Variants in STXBP3 observed in about 807,000 individuals in gnomAD.
STXBP3 encodes syntaxin binding protein 3, also known as syntaxin-binding protein 3.
STXBP3 carries 41 observed loss-of-function variants against 85.7 expected under a neutral mutation model. That is an observed-to-expected ratio of 0.48 (90% confidence interval 0.37 to 0.62). The LOEUF (loss-of-function observed/expected upper bound fraction) is 0.62. STXBP3 is among the 20% of genes least tolerant of loss of function. The pLI is 0.00. For missense variants in STXBP3, 563 were observed against 703.1 expected (o/e 0.80, Z 2.25); for synonymous variants, 229 against 231.7 (o/e 0.99, Z 0.10).
At chr1:108,783,124 A>G (rs1296562762) in intron 11 of STXBP3, among the ~76,000 whole-genome samples, 1 of 152,232 alleles carries the variant, frequency 6.6e-6, no homozygotes, top group Non-Finnish European at 1.5e-5. Flanking sequence ...TCCTGGCCTC[A>G]AGTGATCTGC....
At chr1:108,785,252 G>A (rs1662800361) in intron 11 of STXBP3, among the ~76,000 whole-genome samples, 1 of 152,144 alleles carries the variant, frequency 6.6e-6, no homozygotes, top group South Asian at 2.1e-4. Context: ...ACTCCGGCCT[G>A]GACATCCAGA....
At chr1:108,750,378 C>T (rs1661874566) in intron 1 of STXBP3, among the ~76,000 whole-genome samples, 1 of 152,042 alleles carries the variant, frequency 6.6e-6, no homozygotes, top group Non-Finnish European at 1.5e-5. Context: ...CGGACTTTCA[C>T]CATAATTCTC....
chr1:108,752,483 A>G (rs113315164), intron 2 of STXBP3, among the ~76,000 whole-genome samples, 177 bp downstream of exon 2: 3 of 152,286 alleles, frequency 2.0e-5, no homozygotes, highest in African/African-American at 4.8e-5. Context: ...ACTATTTTAT[A>G]TAAGAGATTT....
intron 14 of STXBP3, 40 bp downstream of exon 14, chr1:108,796,412 T>A: frequency 7.3e-7 from 1 of 1,369,032 alleles, no homozygotes; most frequent in Non-Finnish European, 1.0e-6. Context: ...ATTTTACTAT[T>A]GATCATAAAA....
Position 108,794,921 on chromosome 1 carries a change from C to A in STXBP3, c.1110+14C>A, listed in dbSNP as rs769220219. 18 of 1,588,362 alleles carry A rather than the reference C, an allele frequency of 1.1e-5. No individual in the cohort carries two copies. Among genetic ancestry groups the A allele is most frequent in the Non-Finnish European group, 1.5e-5 (17 of 1,164,506 alleles). On this transcript the variant is annotated intron_variant, in intron 13 of 18. Coordinates refer to ENST00000370008, the MANE Select transcript of STXBP3 (RefSeq NM_007269.4). ...AAAACTGAACAGGTATGTGCAGAGT[C>A]AGAAATGCCTCTGTTCATAACAAAT...
At chr1:108,774,677 A>G (rs914401423) in intron 7 of STXBP3, among the ~76,000 whole-genome samples, 7 of 95,350 alleles carry the variant, frequency 7.3e-5, no homozygotes, top group African/African-American at 3.0e-4. Flanking sequence ...GGGGGTCTCT[A>G]TGTGTTGCCC....
chr1:108,796,291 C>T lies in STXBP3; in HGVS notation c.1168C>T (p.Leu390Phe). Residue 390 changes from leucine to phenylalanine, a missense_variant, in exon 14 of 19, where the codon CTC becomes TTC. By Grantham distance (22) the Leu-to-Phe change is conservative (BLOSUM62 0). Around this residue, in one of 3 missense-constraint regions of STXBP3, gnomAD observed 494 missense variants for 592.8 expected, o/e 0.83. Coordinates refer to ENST00000370008, the MANE Select transcript of STXBP3 (RefSeq NM_007269.4). ...GQKVKDSMRV[L>F]LPVLLNKNHD... The stretch of plus-strand genomic sequence containing the variant: ...GAAGGTGAAAGATTCCATGCGAGTA[C>T]TCCTTCCAGTTCTACTCAACAAAAA... 11 of 1,613,368 alleles carry T rather than the reference C, an allele frequency of 6.8e-6. No homozygotes were observed. Among genetic ancestry groups the T allele is most frequent in the Non-Finnish European group, 9.3e-6 (11 of 1,179,432 alleles).
At chr1:108,792,007 G>A (rs1409363989) in intron 11 of STXBP3, among the ~76,000 whole-genome samples, 1 of 152,176 alleles carries the variant, frequency 6.6e-6, no homozygotes, top group Non-Finnish European at 1.5e-5. Flanking sequence ...TCATATGGAT[G>A]TACCACAAGT....
intron 11 of STXBP3, among the ~76,000 whole-genome samples, chr1:108,784,649 C>T (rs1450398654): frequency 2.0e-5 from 3 of 152,088 alleles, no homozygotes; most frequent in Non-Finnish European, 2.9e-5. Context: ...CCAACAGTCC[C>T]CTACAGTCTT....
Position 108,772,352 on chromosome 1 carries a change from A to ATATC in STXBP3, c.439-311_439-308dup, listed in dbSNP as rs1480978955. 4.3e-3 allele frequency among the ~76,000 whole-genome samples: 117 copies of ATATC among 27,118 alleles called. 41 individuals carry two copies. The highest frequency in any genetic ancestry group is 0.013 in the African/African-American group (86 of 6,652). The allele number at this position is 27,118 out of a possible 152,430, so 17.8% of individuals were successfully genotyped here. A position where few individuals can be genotyped will look rare whatever the true frequency, so the allele number is the denominator to read the frequency against. ...TCTGTATCATATATAAATACATATG[A>ATATC]TATCTGTATCATATATAAATACATA... is the stretch of plus-strand genomic sequence containing the variant. On this transcript the variant is annotated intron_variant, in intron 6 of 18. Coordinates refer to ENST00000370008, the MANE Select transcript of STXBP3 (RefSeq NM_007269.4).
chr1:108,786,687 C>T (rs1662837201), intron 11 of STXBP3, among the ~76,000 whole-genome samples: 1 of 152,114 alleles, frequency 6.6e-6, no homozygotes, highest in Non-Finnish European at 1.5e-5. Context: ...ACTAGTGTAC[C>T]TTTGTAATGG....
chr1:108,796,410 A>C (rs372408605), intron 14 of STXBP3, 38 bp downstream of exon 14: 3 of 1,369,484 alleles, frequency 2.2e-6, no homozygotes, highest in African/African-American at 1.5e-5. Context: ...GTATTTTACT[A>C]TTGATCATAA....
intron 17 of STXBP3, among the ~76,000 whole-genome samples, chr1:108,803,063 A>G (rs1663263826): frequency 6.6e-6 from 1 of 152,240 alleles, no homozygotes; most frequent in Admixed American, 6.5e-5. Flanking sequence ...TTTTACGTAT[A>G]TCTGGATAGG....
intron 8 of STXBP3, 63 bp downstream of exon 8, chr1:108,776,486 A>G: frequency 3.2e-6 from 4 of 1,254,792 alleles, no homozygotes; most frequent in Non-Finnish European, 3.3e-6. Context: ...TATAAGCCAA[A>G]GAAACTTGCT....
At chr1:108,797,195 A>G (rs1208323273) in intron 15 of STXBP3, among the ~76,000 whole-genome samples, 1 of 151,912 alleles carries the variant, frequency 6.6e-6, no homozygotes, top group African/African-American at 2.4e-5. Flanking sequence ...CCTCTACAAA[A>G]AACAAAAAAA....
chr1:108,806,060 A>G (rs1431261076), intron 17 of STXBP3, among the ~76,000 whole-genome samples: 1 of 152,228 alleles, frequency 6.6e-6, no homozygotes, highest in African/African-American at 2.4e-5. Flanking sequence ...ATACTAGTAC[A>G]CATATGTCAT....
intron 11 of STXBP3, among the ~76,000 whole-genome samples, chr1:108,783,466 T>G (rs1296364268): frequency 6.6e-6 from 1 of 152,218 alleles, no homozygotes; most frequent in Non-Finnish European, 1.5e-5. Context: ...CATAATGAGA[T>G]TCACCTGTGT....
chr1:108,805,066 A>AT lies in STXBP3; in HGVS notation c.1536-2332dup, dbSNP rs138131014. Among the ~76,000 whole-genome samples, 897 of 152,288 alleles carry AT rather than the reference A, an allele frequency of 5.9e-3. 15 individuals carry two copies. Among genetic ancestry groups the AT allele is most frequent in the African/African-American group, 0.02 (834 of 41,552 alleles). ...AGAGGGAAGTTTTCAGGATCTAGGGATTTAATTATCTTTATATCTCTCAGT... is the reference window on the plus strand; with the variant it reads ...AGAGGGAAGTTTTCAGGATCTAGGGATTTTAATTATCTTTATATCTCTCAGT... On this transcript the variant is annotated intron_variant, in intron 17 of 18. Transcript: ENST00000370008.
At position 108,752,298 on chromosome 1, in the gene STXBP3, G is replaced by A. The variant is rs767712280; in HGVS notation, c.91G>A (p.Glu31Lys). Residue 31 changes from glutamate to lysine, a missense_variant, in exon 2 of 19, where the codon GAA becomes AAA. This residue lies in a region of STXBP3 where 37 missense variants were observed against 39.7 expected (regional missense o/e 0.93). Transcript: ENST00000370008. ...GTTTGATGACTGCAAGAAAGAAGGC[G>A]AATGGAAGGTAGAGTTTGCATACCT... ...TVFDDCKKEG[E>K]WKIMLLDEFT... 16 of 1,610,828 alleles carry A rather than the reference G, an allele frequency of 9.9e-6. No homozygotes were observed. Among genetic ancestry groups the A allele is most frequent in the African/African-American group, 2.7e-5 (2 of 74,778 alleles).
Sources: allele counts gnomAD v4.1 joint callset (sites outside exome capture counted in the v4.1 genomes callset), GRCh38; gene constraint gnomAD v4.1.1; regional missense constraint gnomAD v4.1.1; transcripts MANE v1.5; gene names NCBI Gene and HGNC (gene_info 2026-07-23, HGNC 2026-07-21).